The following KAZN variants were observed in gnomAD, a reference collection of about 807,000 sequenced individuals.
KAZN encodes the protein kazrin.
In KAZN, 40 loss-of-function variants were observed where a neutral mutation model predicts 87.4. That is an observed-to-expected ratio of 0.46 (90% CI 0.36 to 0.60). The LOEUF (loss-of-function observed/expected upper bound fraction) is 0.60. KAZN is among the 20% of genes least tolerant of loss of function. KAZN has a pLI of 0.00. For synonymous variants in KAZN, 466 were observed against 458.3 expected (o/e 1.02, Z -0.22); for missense variants, 898 against 1,073.9 (o/e 0.84, Z 2.29).
chr1:14,441,944 C>T, intron 2 of KAZN, among the ~76,000 whole-genome samples: 1 of 152,122 alleles, frequency 6.6e-6, no homozygotes. Flanking sequence ...ATTTCTTCAC[C>T]TAAGAAATTG....
chr1:14,875,709 G>A (rs926718536), intron 1 of KAZN, among the ~76,000 whole-genome samples: 2 of 152,092 alleles, frequency 1.3e-5, no homozygotes, highest in Non-Finnish European at 2.9e-5. Flanking sequence ...ATGAGAGTAC[G>A]TACACCATGG....
intron 2 of KAZN, among the ~76,000 whole-genome samples, chr1:14,468,844 G>T (rs548384936): frequency 3.9e-4 from 60 of 152,300 alleles, no homozygotes; most frequent in African/African-American, 1.3e-3. Flanking sequence ...TTGCAAGATG[G>T]TCTCGCCTTG....
intron 1 of KAZN, among the ~76,000 whole-genome samples, chr1:14,063,031 CGTT>C (rs1393442632): frequency 2.0e-5 from 3 of 152,162 alleles, no homozygotes; most frequent in South Asian, 2.1e-4. Context: ...TATTTTACAT[CGTT>C]GTTATTATTT....
chr1:14,547,991 T>C (rs1673266742), intron 2 of KAZN, among the ~76,000 whole-genome samples: 2 of 150,812 alleles, frequency 1.3e-5, no homozygotes, highest in Admixed American at 1.3e-4. Flanking sequence ...GAAGAAGAAT[T>C]GTCTTGGGCC....
intron 13 of KAZN, among the ~76,000 whole-genome samples, chr1:15,109,781 A>G (rs1380239092): frequency 1.2e-5 from 1 of 86,886 alleles, no homozygotes; most frequent in East Asian, 2.6e-4. Context: ...CTGTGTATAT[A>G]TGTGTTTGTG....
chr1:14,138,444 A>G (rs1645157323), intron 1 of KAZN, among the ~76,000 whole-genome samples: 1 of 152,116 alleles, frequency 6.6e-6, no homozygotes, highest in Non-Finnish European at 1.5e-5. Flanking sequence ...TCCCATTGGA[A>G]CTTCTCTAAT....
chr1:14,662,635 T>A (rs1020221767), intron 1 of KAZN, among the ~76,000 whole-genome samples: 3 of 151,956 alleles, frequency 2.0e-5, no homozygotes, highest in Admixed American at 2.0e-4. Context: ...TTTCTTGATA[T>A]CTTTCTTTTA....
At chr1:15,036,248 T>TACCCA (rs1672261406) in intron 3 of KAZN, among the ~76,000 whole-genome samples, 1 of 8,962 alleles carries the variant, frequency 1.1e-4, no homozygotes. Context: ...CTGCCCTGCC[T>TACCCA]GCTCGCCCCA....
At chr1:14,443,674 T>A (rs969268875) in intron 2 of KAZN, among the ~76,000 whole-genome samples, 6 of 152,086 alleles carry the variant, frequency 3.9e-5, no homozygotes, top group East Asian at 1.9e-4. Context: ...CAGAAGCTAA[T>A]CCCCAGTGAC....
At chr1:14,109,136 C>T (rs1290812786) in intron 1 of KAZN, among the ~76,000 whole-genome samples, 4 of 152,022 alleles carry the variant, frequency 2.6e-5, no homozygotes, top group African/African-American at 9.7e-5. Flanking sequence ...GCCTGGGTAC[C>T]GAAGATTGTG....
At chr1:14,216,884 A>G (rs930417795) in intron 2 of KAZN, among the ~76,000 whole-genome samples, 1 of 152,188 alleles carries the variant, frequency 6.6e-6, no homozygotes, top group African/African-American at 2.4e-5. Context: ...AGCCTAGGTG[A>G]CAAGAGTGGA....
At chr1:13,938,329 T>C (rs1640816052) in intron 1 of KAZN, among the ~76,000 whole-genome samples, 1 of 152,172 alleles carries the variant, frequency 6.6e-6, no homozygotes, top group Non-Finnish European at 1.5e-5. Flanking sequence ...TGCTTGATCA[T>C]TCCTGGTGTA....
intron 2 of KAZN, among the ~76,000 whole-genome samples, chr1:14,496,631 A>T (rs747136115): frequency 1.3e-5 from 2 of 152,186 alleles, no homozygotes; most frequent in Non-Finnish European, 2.9e-5. Flanking sequence ...GACAAAGAAA[A>T]TAGAAGCCTA....
At chr1:14,402,906 C>A (rs1239237923) in intron 2 of KAZN, among the ~76,000 whole-genome samples, 1 of 152,032 alleles carries the variant, frequency 6.6e-6, no homozygotes, top group African/African-American at 2.4e-5. Flanking sequence ...TGGCTCATTG[C>A]AACCTCTGCC....
intron 1 of KAZN, among the ~76,000 whole-genome samples, chr1:14,013,512 C>T (rs1479448199): frequency 6.6e-6 from 1 of 152,094 alleles, no homozygotes; most frequent in Non-Finnish European, 1.5e-5. Flanking sequence ...GACTTGGCTG[C>T]TGTGTACCCA....
At chr1:14,405,877 T>C (rs2101158097) in intron 2 of KAZN, among the ~76,000 whole-genome samples, 1 of 151,826 alleles carries the variant, frequency 6.6e-6, no homozygotes, top group East Asian at 1.9e-4. Context: ...GATCAACCTT[T>C]TTGTTCTATC....
At chr1:13,995,216 A>C (rs1490683153) in intron 1 of KAZN, among the ~76,000 whole-genome samples, 4 of 139,052 alleles carry the variant, frequency 2.9e-5, no homozygotes, top group Non-Finnish European at 6.2e-5. Context: ...CAGTGCAATA[A>C]GGCAAAAAAA....
Position 14,006,303 on chromosome 1 carries a change from T to G in KAZN, c.91+112547T>G, listed in dbSNP as rs151221171. Among the ~76,000 whole-genome samples, 499 of 152,290 alleles carry G rather than the reference T, an allele frequency of 3.3e-3. 2 individuals carry two copies. Among genetic ancestry groups the G allele is most frequent in the African/African-American group, 0.011 (470 of 41,542 alleles). On this transcript the variant is annotated intron_variant, in intron 1 of 16. Transcript: ENST00000636203. Reference sequence around the variant, plus strand: ...TGGCTCAGGGATCTGCCAGCTGCCTTACAAGTATGGCACCAGTGTCTGCTT... The same window carrying G: ...TGGCTCAGGGATCTGCCAGCTGCCTGACAAGTATGGCACCAGTGTCTGCTT...
chr1:14,529,818 A>G (rs550150474), intron 2 of KAZN, among the ~76,000 whole-genome samples: 1 of 152,278 alleles, frequency 6.6e-6, no homozygotes, highest in South Asian at 2.1e-4. Context: ...TCCATGTTCT[A>G]TGTGGCATGA....
Sources: gnomAD v4.1 joint callset for allele counts (sites outside exome capture counted in the v4.1 genomes callset) on GRCh38, gnomAD v4.1.1 for gene constraint, MANE v1.5 for transcripts, NCBI Gene and HGNC (gene_info 2026-07-23, HGNC 2026-07-21) for gene names.